EEPD1: variants seen among roughly 807,000 people sequenced by gnomAD.
EEPD1 encodes endonuclease/exonuclease/phosphatase family domain-containing protein 1.
In EEPD1, 17 loss-of-function variants were observed where a neutral mutation model predicts 46.3. The observed-to-expected ratio is 0.37, with a 90% confidence interval of 0.25 to 0.55. EEPD1 has a LOEUF of 0.55. Among genes scored for constraint, EEPD1 ranks in the 20% least tolerant of loss-of-function variants. The pLI, the probability that EEPD1 is intolerant of heterozygous loss-of-function variation, is 0.83. For synonymous variants in EEPD1, 313 were observed against 315.6 expected (o/e 0.99, Z 0.09); for missense variants, 673 against 745.6 (o/e 0.90, Z 1.13).
intron 2 of EEPD1, among the ~76,000 whole-genome samples, chr7:36,215,549 A>C (rs1187984996): frequency 2.0e-5 from 3 of 152,232 alleles, no homozygotes; most frequent in Non-Finnish European, 4.4e-5. Context: ...CAGCCAGCCA[A>C]AGCTCTCAAT....
Position 36,297,094 on chromosome 7 carries a change from C to T in EEPD1, c.1417C>T (p.His473Tyr). 6.2e-7 allele frequency: 1 copy of T among 1,614,236 alleles called. No homozygotes were observed. Among genetic ancestry groups the T allele is most frequent in the Non-Finnish European group, 8.5e-7 (1 of 1,180,048 alleles). ...AAAGTTCCACCACCTGATCCCCGCG[C>T]ACACCTTCACCAACATCAGCACCAA... is the stretch of plus-strand genomic sequence containing the variant. ...KEKFHHLIPA[H>Y]TFTNISTKNP... Residue 473 changes from histidine to tyrosine, a missense_variant, in exon 7 of 8, where the codon CAC (histidine) becomes TAC (tyrosine). Transcript: ENST00000242108.
At chr7:36,214,302 C>G (rs1785989658) in intron 2 of EEPD1, among the ~76,000 whole-genome samples, 1 of 152,198 alleles carries the variant, frequency 6.6e-6, no homozygotes, top group Admixed American at 6.5e-5. Flanking sequence ...CATCATGGCT[C>G]TGGGTCCACT....
intron 2 of EEPD1, among the ~76,000 whole-genome samples, chr7:36,156,205 G>A (rs535632600): frequency 5.3e-5 from 8 of 152,242 alleles, no homozygotes; most frequent in East Asian, 3.9e-4. Flanking sequence ...TTGGTGACAC[G>A]AAGTGAACTC....
intron 2 of EEPD1, among the ~76,000 whole-genome samples, chr7:36,166,204 A>G (rs1562670730): frequency 6.6e-6 from 1 of 152,214 alleles, no homozygotes; most frequent in Admixed American, 6.5e-5. Flanking sequence ...GTTTAACGCC[A>G]GGCAAGACTG....
chr7:36,208,061 A>G (rs986771135), intron 2 of EEPD1, among the ~76,000 whole-genome samples: 2 of 152,034 alleles, frequency 1.3e-5, no homozygotes, highest in African/African-American at 4.8e-5. Context: ...TTATCTCATC[A>G]GCGTGTTCCT....
intron 2 of EEPD1, among the ~76,000 whole-genome samples, chr7:36,174,265 GTTGATTTCTGTTT>G (rs1785140252): frequency 6.6e-6 from 1 of 152,160 alleles, no homozygotes; most frequent in African/African-American, 2.4e-5. Flanking sequence ...ATCAAGCATT[GTTGATTTCTGTTT>G]CTTGCAATTA....
chr7:36,296,694 C>CTTTT (rs60706978), intron 6 of EEPD1, among the ~76,000 whole-genome samples: 981 of 82,898 alleles, frequency 0.012, 4 homozygotes, highest in East Asian at 0.018. Flanking sequence ...ACCCTTAGGT[C>CTTTT]TTTTTTTTTT....
rs984185930 is a variant in EEPD1 at position 36,161,419 on chromosome 7, C to T, written c.878+6217C>T. On this transcript the variant is annotated intron_variant, in intron 2 of 7. Transcript: ENST00000242108. ...TGCAGGTATGTGAGACCTCAGCATT[C>T]GGTCAGGGATGAAGGGAAAGGACCA... 2.8e-4 allele frequency among the ~76,000 whole-genome samples: 43 copies of T among 151,938 alleles called. 1 individual carries two copies. The highest frequency in any genetic ancestry group is 2.4e-5 in the African/African-American group (1 of 41,364).
chr7:36,155,005 G>A lies in EEPD1; in HGVS notation c.681G>A (p.Gln227=). The A allele has an allele frequency of 6.2e-7, 1 of 1,612,490 alleles. No homozygotes were observed. The highest frequency in any genetic ancestry group is 8.5e-7 in the Non-Finnish European group (1 of 1,179,024). ...PHPSPTSLSL[Q]SEDLDLPPGG... is the part of the protein sequence containing the mutation. ...CGAGCCCCACTTCCCTGAGCCTGCA[G>A]AGTGAGGACCTGGACCTGCCGCCAG... The change falls in exon 2 of 8, where the codon CAG becomes CAA. Residue 227 remains glutamine (Q), a synonymous_variant. Transcript: ENST00000242108.
chr7:36,278,499 G>A (rs553789002), intron 3 of EEPD1, among the ~76,000 whole-genome samples: 1 of 151,164 alleles, frequency 6.6e-6, no homozygotes, highest in African/African-American at 2.4e-5. Flanking sequence ...ATCCCTTGGT[G>A]GGGGGGCGGT....
rs564842216 is a variant in EEPD1, at chr7:36,282,254, A to G, written c.1041+1029A>G. Among the ~76,000 whole-genome samples, 5 of 152,342 alleles carry G rather than the reference A, an allele frequency of 3.3e-5. No individual in the cohort carries two copies. In the South Asian group the frequency reaches 1.0e-3, roughly 32 times the overall value. ...CCTTCCTTTTTTGATCGCACTTTAC[A>G]TGTATGTAGGTGTCTGAGCTTCACA... On this transcript the variant is annotated intron_variant, in intron 4 of 7. Transcript: ENST00000242108.
chr7:36,242,768 C>CAAAAA (rs34909516), intron 3 of EEPD1, among the ~76,000 whole-genome samples: 1 of 85,362 alleles, frequency 1.2e-5, no homozygotes. Context: ...AATAAAAATA[C>CAAAAA]AAAAAAAAAA....
chr7:36,286,479 C>T (rs1167421169), intron 5 of EEPD1, among the ~76,000 whole-genome samples: 2 of 152,188 alleles, frequency 1.3e-5, no homozygotes, highest in African/African-American at 4.8e-5. Context: ...TGTTGGTTGC[C>T]ATGACAAATG....
At chr7:36,245,263 G>C (rs1786620318) in intron 3 of EEPD1, among the ~76,000 whole-genome samples, 1 of 152,054 alleles carries the variant, frequency 6.6e-6, no homozygotes, top group Non-Finnish European at 1.5e-5. Flanking sequence ...GTTGATTCTT[G>C]ATCACATTGT....
intron 2 of EEPD1, among the ~76,000 whole-genome samples, chr7:36,186,661 A>T (rs924769331): frequency 6.6e-6 from 1 of 152,240 alleles, no homozygotes; most frequent in Admixed American, 6.5e-5. Context: ...GAATAATTCA[A>T]GGGAAGCAAT....
intron 6 of EEPD1, among the ~76,000 whole-genome samples, chr7:36,295,864 C>T: frequency 6.6e-6 from 1 of 152,002 alleles, no homozygotes; most frequent in Admixed American, 6.5e-5. Context: ...AGCCCTGTCT[C>T]TACTAAAAAT....
chr7:36,156,183 G>T lies in EEPD1; in HGVS notation c.878+981G>T, dbSNP rs570444406. ...GAGTTGTTGGTGAGGCTGGCGGCGG[G>T]GGGGCAGCAGTTTGGTGACACGAAG... On this transcript the variant is annotated intron_variant, in intron 2 of 7. Transcript: ENST00000242108. Among the ~76,000 whole-genome samples, 6 of 152,290 alleles carry T rather than the reference G, an allele frequency of 3.9e-5. No individual in the cohort carries two copies. In the East Asian group the frequency reaches 7.7e-4, roughly 20 times the overall value.
chr7:36,174,223 A>G (rs1361784612), intron 2 of EEPD1, among the ~76,000 whole-genome samples: 1 of 152,286 alleles, frequency 6.6e-6, no homozygotes, highest in East Asian at 1.9e-4. Context: ...TACCTCCTTA[A>G]TATCCTTTTA....
rs572147376 is a variant in EEPD1 at position 36,225,147 on chromosome 7, A to G, written c.879-13838A>G. 6.6e-6 allele frequency among the ~76,000 whole-genome samples: 1 copy of G among 152,204 alleles called. No homozygotes were observed. The highest frequency in any genetic ancestry group is 1.5e-5 in the Non-Finnish European group (1 of 68,040). ...AGTGAGCCTGAGACTTCTGGCCTCC[A>G]GAACTGAGGGAATGACTTTCTGTTG... On this transcript the variant is annotated intron_variant, in intron 2 of 7. Transcript: ENST00000242108. This position sits in a 1 kb window ranked among gnomAD's most constrained non-coding sequence, Gnocchi z 4.2.
Sources: allele counts gnomAD v4.1 joint callset (sites outside exome capture counted in the v4.1 genomes callset), GRCh38; gene constraint gnomAD v4.1.1; non-coding constraint Gnocchi (gnomAD v3.1); transcripts MANE v1.5; gene names NCBI Gene and HGNC (gene_info 2026-07-23, HGNC 2026-07-21).